Variants in STAT4 observed in about 807,000 individuals in gnomAD.
STAT4 encodes the protein signal transducer and activator of transcription 4.
In STAT4, 42 loss-of-function variants were observed where a neutral mutation model predicts 110.5. The observed-to-expected ratio is 0.38, with a 90% CI of 0.30 to 0.49. The LOEUF (loss-of-function observed/expected upper bound fraction) is 0.49. Ranked by LOEUF, STAT4 falls within the 20% of genes least tolerant of loss-of-function variation. The probability of loss-of-function intolerance (pLI) is 0.95; values close to 1 mark genes in which losing one functional copy is unlikely to be tolerated. For missense variants in STAT4, 632 were observed against 887.9 expected, an observed-to-expected ratio of 0.71 and a Z score of 3.66; for synonymous variants, 284 against 302.2, an observed-to-expected ratio of 0.94 and a Z score of 0.63.
intron 3 of STAT4, among the ~76,000 whole-genome samples, chr2:191,106,741 G>A (rs1029015502): frequency 3.3e-5 from 5 of 152,028 alleles, no homozygotes; most frequent in African/African-American, 1.2e-4. Context: ...GGAAAAATGT[G>A]CATGAGTCAA....
At chr2:191,132,903 C>T (rs957471768) in intron 3 of STAT4, among the ~76,000 whole-genome samples, 2 of 151,368 alleles carry the variant, frequency 1.3e-5, no homozygotes, top group South Asian at 2.1e-4. Context: ...TGCAGGCGCC[C>T]GCCACCATGC....
rs995885906 is a variant in STAT4 at position 191,146,054 on chromosome 2, C to T, written c.273+559G>A. Among the ~76,000 whole-genome samples the T allele has an allele frequency of 6.6e-6, 1 of 152,154 alleles. No individual in the cohort carries two copies. Among genetic ancestry groups the T allele is most frequent in the Non-Finnish European group, 1.5e-5 (1 of 68,032 alleles). On this transcript the variant is annotated intron_variant, in intron 3 of 23. Transcript: ENST00000392320. The surrounding 1 kb of genome is among the most constrained non-coding windows in gnomAD (Gnocchi z 4.5). ...ACTCATGATAGGGAGAGAAGTCAAA[C>T]ACATAGAAATAGCAATAATGTCGAA... is the stretch of plus-strand genomic sequence containing the variant.
rs1574207572 is a variant in STAT4, at chr2:191,150,275, C to T, written c.-2+672G>A. ...GTCCTAGGACATTTTCTATTGCAGCCTCTGGGAACGCCTTTAGACATCCTT... is the reference window on the plus strand; with the variant it reads ...GTCCTAGGACATTTTCTATTGCAGCTTCTGGGAACGCCTTTAGACATCCTT... On this transcript the variant is annotated intron_variant, in intron 1 of 23. Transcript: ENST00000392320. The surrounding 1 kb of genome is among the most constrained non-coding windows in gnomAD (Gnocchi z 6.4). Among the ~76,000 whole-genome samples, 1 of 152,162 alleles carries T rather than the reference C, an allele frequency of 6.6e-6. No homozygotes were observed. The highest frequency in any genetic ancestry group is 6.5e-5 in the Admixed American group (1 of 15,278).
Position 191,083,697 on chromosome 2 carries a change from A to T in STAT4, c.274-7372T>A, listed in dbSNP as rs1182631024. Among the ~76,000 whole-genome samples the T allele has an allele frequency of 6.6e-6, 1 of 152,084 alleles. No homozygotes were observed. The highest frequency in any genetic ancestry group is 1.5e-5 in the Non-Finnish European group (1 of 68,020). On this transcript the variant is annotated intron_variant, in intron 3 of 23. Transcript: ENST00000392320. The surrounding 1 kb of genome is among the most constrained non-coding windows in gnomAD (Gnocchi z 4.6). ...TACTGCGTACTTCTGGTTGCCAACT[A>T]GCTCTCTCTCCCTTTGCATCACAAA...
At chr2:191,118,547 A>T (rs1698630179) in intron 3 of STAT4, among the ~76,000 whole-genome samples, 2 of 152,168 alleles carry the variant, frequency 1.3e-5, no homozygotes, top group Non-Finnish European at 2.9e-5. Context: ...GTGTTCAGAT[A>T]TAGTTTTTTA....
rs915619547 is a variant in STAT4, at chr2:191,147,305, T to C, written c.129-548A>G. On this transcript the variant is annotated intron_variant, in intron 2 of 23. Transcript: ENST00000392320. The surrounding 1 kb of genome is among the most constrained non-coding windows in gnomAD (Gnocchi z 4.1). ...AACAAAATGTGATATATACAAACAA[T>C]GGAATATTATTGAGCTTCAAAAAGG... Among the ~76,000 whole-genome samples the C allele has an allele frequency of 1.3e-5, 2 of 152,302 alleles. No homozygotes were observed. Among genetic ancestry groups the C allele is most frequent in the African/African-American group, 4.8e-5 (2 of 41,584 alleles).
In STAT4 at chr2:191,033,126, C is replaced by G. The variant is rs1212691239; in HGVS notation, c.1876G>C (p.Glu626Gln). 1 of 1,613,740 alleles carries G rather than the reference C, an allele frequency of 6.2e-7. No homozygotes were observed. Among genetic ancestry groups the G allele is most frequent in the Admixed American group, 1.7e-5 (1 of 59,908 alleles). The change falls in exon 21 of 24, where the codon GAA becomes CAA. Residue 626 changes from glutamate (E) to glutamine (Q), a missense_variant. Physicochemically the swap from Glu to Gln is conservative, Grantham distance 29 (BLOSUM62 2). Around this residue, in one of 4 missense-constraint regions of STAT4, gnomAD observed 74 missense variants for 154.3 expected, o/e 0.48. Transcript: ENST00000392320. This position sits in a 1 kb window ranked among gnomAD's most constrained non-coding sequence, Gnocchi z 6.9. ...GACAACCGGCCTTTATTGTAGGGTTCTACAGAGTGGAATCTCACTTCCCCT... is the reference window on the plus strand; with the variant it reads ...GACAACCGGCCTTTATTGTAGGGTTGTACAGAGTGGAATCTCACTTCCCCT... ...ESGEVRFHSV[E>Q]PYNKGRLSAL...
intron 14 of STAT4, among the ~76,000 whole-genome samples, chr2:191,052,296 GTGGTT>G (rs1460662936): frequency 6.6e-6 from 1 of 152,098 alleles, no homozygotes; most frequent in African/African-American, 2.4e-5. Context: ...GGTTCAATCT[GTGGTT>G]TGTTTTTAAA....
In STAT4 at chr2:191,042,485, T is replaced by C. The variant is rs1269669436; in HGVS notation, c.1252-1337A>G. 6.6e-6 allele frequency among the ~76,000 whole-genome samples: 1 copy of C among 152,200 alleles called. No individual in the cohort carries two copies. The highest frequency in any genetic ancestry group is 1.9e-4 in the East Asian group (1 of 5,204). On this transcript the variant is annotated intron_variant, in intron 14 of 23. Coordinates refer to ENST00000392320, the MANE Select transcript of STAT4 (RefSeq NM_003151.4). This position sits in a 1 kb window ranked among gnomAD's most constrained non-coding sequence, Gnocchi z 4.2. ...TGATTTGAACAAACCAACTGTCAAATGGCCTTTTTTGAGACAATAGAGGAA... is the reference window on the plus strand; with the variant it reads ...TGATTTGAACAAACCAACTGTCAAACGGCCTTTTTTGAGACAATAGAGGAA...
intron 13 of STAT4, among the ~76,000 whole-genome samples, chr2:191,056,947 T>A (rs1296360088): frequency 3.3e-5 from 5 of 151,992 alleles, no homozygotes; most frequent in Non-Finnish European, 1.5e-5. Flanking sequence ...CATGCCGGGC[T>A]ACTATTTGTA....
intron 4 of STAT4, among the ~76,000 whole-genome samples, chr2:191,075,037 GTAATCCCAGC>G (rs1697272808): frequency 6.6e-6 from 1 of 152,102 alleles, no homozygotes. Context: ...GCAGGTGCCT[GTAATCCCAGC>G]TACTTGGGAG....
chr2:191,148,637 AC>A (rs1319611774), intron 1 of STAT4, among the ~76,000 whole-genome samples: 1 of 150,012 alleles, frequency 6.7e-6, no homozygotes, highest in African/African-American at 2.5e-5. Flanking sequence ...GTGAGGAACA[AC>A]CCCCCAAGAA....
chr2:191,051,488 G>T lies in STAT4; in HGVS notation c.1251+3002C>A, dbSNP rs1030944583. ...AGGCTAAGTGGCTTGTGCAAGCTCA[G>T]ATTGCCTGAAGAGGCAAAAACCAAC... On this transcript the variant is annotated intron_variant, in intron 14 of 23. Coordinates refer to ENST00000392320, the MANE Select transcript of STAT4 (RefSeq NM_003151.4). The surrounding 1 kb of genome is among the most constrained non-coding windows in gnomAD (Gnocchi z 5.6). Among the ~76,000 whole-genome samples, 1 of 152,236 alleles carries T rather than the reference G, an allele frequency of 6.6e-6. No homozygotes were observed. The highest frequency in any genetic ancestry group is 2.4e-5 in the African/African-American group (1 of 41,460).
At position 191,149,710 on chromosome 2, in the gene STAT4, GTA is replaced by G. The variant is rs1380603545; in HGVS notation, c.-2+1235_-2+1236del. ...GATGTATATATATTCCATCGGATGT[GTA>G]TATATTCCACACAAAATTGGAACAT... On this transcript the variant is annotated intron_variant, in intron 1 of 23. Transcript: ENST00000392320. 2.0e-5 allele frequency among the ~76,000 whole-genome samples: 3 copies of G among 152,260 alleles called. No individual in the cohort carries two copies. In the East Asian group the frequency reaches 5.8e-4, roughly 29 times the overall value.
At chr2:191,108,840 C>A (rs1308292295) in intron 3 of STAT4, among the ~76,000 whole-genome samples, 1 of 152,170 alleles carries the variant, frequency 6.6e-6, no homozygotes, top group Non-Finnish European at 1.5e-5. Flanking sequence ...TGTGTACATG[C>A]CCTTCAAAAT....
At chr2:191,141,881 G>C (rs1370841688) in intron 3 of STAT4, among the ~76,000 whole-genome samples, 2 of 151,986 alleles carry the variant, frequency 1.3e-5, no homozygotes, top group Non-Finnish European at 2.9e-5. Flanking sequence ...GGAATTACAG[G>C]TGTGAGCTAC....
chr2:191,071,326 T>C (rs1176244014), intron 5 of STAT4, among the ~76,000 whole-genome samples: 3 of 152,172 alleles, frequency 2.0e-5, no homozygotes, highest in Non-Finnish European at 4.4e-5. Context: ...GCATTTTACT[T>C]TGATGCTAAG....
At chr2:191,054,140 A>AG (rs1574712085) in intron 14 of STAT4, among the ~76,000 whole-genome samples, 2 of 146,388 alleles carry the variant, frequency 1.4e-5, no homozygotes, top group African/African-American at 5.1e-5. Context: ...AAAAAAAAAA[A>AG]AAAGAAAGAA....
Position 191,059,795 on chromosome 2 carries a change from G to A in STAT4, c.1035-1026C>T, listed in dbSNP as rs539750962. Among the ~76,000 whole-genome samples, 1 of 152,328 alleles carries A rather than the reference G, an allele frequency of 6.6e-6. No individual in the cohort carries two copies. Among genetic ancestry groups the A allele is most frequent in the South Asian group, 2.1e-4 (1 of 4,826 alleles). On this transcript the variant is annotated intron_variant, in intron 10 of 23. Coordinates refer to ENST00000392320, the MANE Select transcript of STAT4 (RefSeq NM_003151.4). This position sits in a 1 kb window ranked among gnomAD's most constrained non-coding sequence, Gnocchi z 4.7. ...AAAGTCCTGTACAAGGCACAAGATT[G>A]GTTCAGGATCTGGAGTATGTTGAGT...
Sources: gnomAD v4.1 joint callset for allele counts (sites outside exome capture counted in the v4.1 genomes callset) on GRCh38, gnomAD v4.1.1 for gene constraint, gnomAD v4.1.1 regional missense constraint, Gnocchi (gnomAD v3.1) non-coding constraint, MANE v1.5 for transcripts, NCBI Gene and HGNC (gene_info 2026-07-23, HGNC 2026-07-21) for gene names.